Variants in PLAAT3 observed in about 807,000 individuals in gnomAD.
The protein encoded by PLAAT3 is Ca-independent phospholipase A1/2.
In PLAAT3, 21 loss-of-function variants were observed where a neutral mutation model predicts 16.7. The observed-to-expected ratio is 1.26, with a 90% CI of 0.89 to 1.81. The LOEUF is 1.81. Ranked by LOEUF, PLAAT3 falls within the 40% of genes most tolerant of loss-of-function variation. The pLI is 0.00. For synonymous variants in PLAAT3, 76 were observed against 81.7 expected, an observed-to-expected ratio of 0.93 and a Z score of 0.38; for missense variants, 219 against 213.7, an observed-to-expected ratio of 1.02 and a Z score of -0.16.
At chr11:63,600,770 T>C (rs1191631873) in intron 2 of PLAAT3, among the ~76,000 whole-genome samples, 1 of 151,048 alleles carries the variant, frequency 6.6e-6, no homozygotes, top group African/African-American at 2.4e-5. Context: ...GCCTGGCTAA[T>C]TTTTTGTATT....
intron 3 of PLAAT3, among the ~76,000 whole-genome samples, chr11:63,597,333 G>A (rs545168834): frequency 6.6e-6 from 1 of 152,150 alleles, no homozygotes; most frequent in Admixed American, 6.5e-5. Flanking sequence ...GACCATCCTG[G>A]CTAACACGGT....
chr11:63,578,594 C>A (rs1488558310), intron 4 of PLAAT3, among the ~76,000 whole-genome samples: 2 of 151,938 alleles, frequency 1.3e-5, no homozygotes, highest in South Asian at 4.2e-4. Flanking sequence ...TGATCTTTGA[C>A]AAACCTGACA....
At chr11:63,576,663 T>C (rs990918311) in intron 4 of PLAAT3, among the ~76,000 whole-genome samples, 1 of 152,200 alleles carries the variant, frequency 6.6e-6, no homozygotes, top group Admixed American at 6.5e-5. Context: ...ATCTCAACAA[T>C]ACAATGATTT....
chr11:63,614,018 C>T lies in PLAAT3; in HGVS notation c.-4G>A. ...CACTTACAATGGGCGCACGCATCTTCCCTCGCGGTGTGGACCCTCAAGGCC... is the reference window on the plus strand; with the variant it reads ...CACTTACAATGGGCGCACGCATCTTTCCTCGCGGTGTGGACCCTCAAGGCC... On this transcript the variant is annotated 5_prime_UTR_variant, in exon 2 of 5. Coordinates refer to ENST00000415826, the MANE Select transcript of PLAAT3 (RefSeq NM_001128203.2). 1.2e-6 allele frequency: 2 copies of T among 1,605,382 alleles called. No homozygotes were observed. The highest frequency in any genetic ancestry group is 1.3e-5 in the African/African-American group (1 of 74,834).
chr11:63,601,055 A>AAT (rs1565254509), intron 2 of PLAAT3, among the ~76,000 whole-genome samples: 1 of 145,088 alleles, frequency 6.9e-6, no homozygotes. Context: ...AAAAAAAAAA[A>AAT]TTTTTTTTTT....
At chr11:63,598,254 C>A in intron 2 of PLAAT3, 91 bp from the exon 3 acceptor site, 2 of 811,904 alleles carry the variant, frequency 2.5e-6, no homozygotes, top group East Asian at 2.5e-5. Flanking sequence ...GAGTGGTCCC[C>A]AGCTATCAGC....
chr11:63,577,649 T>C (rs567536980), intron 4 of PLAAT3, among the ~76,000 whole-genome samples: 1 of 152,230 alleles, frequency 6.6e-6, no homozygotes, highest in Admixed American at 6.5e-5. Context: ...TAAGATCAAG[T>C]ATAAAAATTA....
intron 2 of PLAAT3, chr11:63,598,855 T>A: frequency 2.4e-6 from 1 of 415,958 alleles, no homozygotes; most frequent in Non-Finnish European, 4.9e-6. Context: ...ATGTTCACAT[T>A]GAGTGAGTAT....
intron 4 of PLAAT3, 140 bp from the exon 5 acceptor site, chr11:63,575,186 G>A: frequency 3.3e-6 from 2 of 604,626 alleles, no homozygotes; most frequent in African/African-American, 1.8e-5. Context: ...ACAAACATTG[G>A]TAGGGAAGAG....
intron 4 of PLAAT3, among the ~76,000 whole-genome samples, chr11:63,576,526 C>G (rs1216050904): frequency 6.6e-6 from 1 of 152,180 alleles, no homozygotes; most frequent in South Asian, 2.1e-4. Context: ...GAGGCTGAGG[C>G]AGAAAAAAAT....
chr11:63,595,292 G>GA (rs59751911), intron 3 of PLAAT3, among the ~76,000 whole-genome samples: 1,231 of 88,382 alleles, frequency 0.014, 35 homozygotes, highest in African/African-American at 0.058. Context: ...CTCCGTCTCG[G>GA]AAAAAAAAAA....
At chr11:63,615,152 A>ATATATATGTGTG (rs1565259775), upstream of PLAAT3, among the ~76,000 whole-genome samples, 1 of 25,914 alleles carries the variant, frequency 3.9e-5, no homozygotes, top group Non-Finnish European at 1.3e-4. Flanking sequence ...ATATGTGTGT[A>ATATATATGTGTG]TATATGTGTA....
chr11:63,615,394 ATATGTGTG>A (rs1565260243), upstream of PLAAT3, among the ~76,000 whole-genome samples: 3 of 63,274 alleles, frequency 4.7e-5, no homozygotes, highest in Non-Finnish European at 1.0e-4. Context: ...ATATGTGTAT[ATATGTGTG>A]TATATGTGTG....
chr11:63,598,222 G>C, intron 2 of PLAAT3, 59 bp from the exon 3 acceptor site: 1 of 1,173,340 alleles, frequency 8.5e-7, no homozygotes, highest in South Asian at 1.2e-5. Context: ...CCAGGACAGG[G>C]CTCAGTGAGG....
At chr11:63,610,158 C>T (rs1938658924) in intron 2 of PLAAT3, among the ~76,000 whole-genome samples, 1 of 152,254 alleles carries the variant, frequency 6.6e-6, no homozygotes, top group Admixed American at 6.5e-5. Context: ...CGTTCAACAA[C>T]TGTGCTCCCA....
At chr11:63,607,947 G>C (rs950285483) in intron 2 of PLAAT3, among the ~76,000 whole-genome samples, 1 of 152,082 alleles carries the variant, frequency 6.6e-6, no homozygotes, top group Non-Finnish European at 1.5e-5. Flanking sequence ...AGCACTTTGG[G>C]AGGCCGAGGC....
intron 2 of PLAAT3, among the ~76,000 whole-genome samples, chr11:63,599,730 T>TA (rs1240316352): frequency 6.6e-6 from 1 of 151,976 alleles, no homozygotes; most frequent in Non-Finnish European, 1.5e-5. Flanking sequence ...AAAAGAGTAT[T>TA]AATTGTTTGG....
At chr11:63,579,872 T>TAAAAAA (rs34817353) in intron 4 of PLAAT3, among the ~76,000 whole-genome samples, 19 of 106,882 alleles carry the variant, frequency 1.8e-4, no homozygotes, top group South Asian at 3.1e-4. Context: ...TAAAGTATAA[T>TAAAAAA]AAAAAAAAAA....
intron 2 of PLAAT3, among the ~76,000 whole-genome samples, chr11:63,602,165 C>T (rs577684576): frequency 3.3e-5 from 5 of 151,844 alleles, no homozygotes; most frequent in African/African-American, 1.2e-4. Flanking sequence ...TGGTGCACAT[C>T]TGTAATACCA....
Sources: allele counts gnomAD v4.1 joint callset (sites outside exome capture counted in the v4.1 genomes callset), GRCh38; gene constraint gnomAD v4.1.1; transcripts MANE v1.5; gene names NCBI Gene and HGNC (gene_info 2026-07-23, HGNC 2026-07-21).